The following SKOR2 variants were observed in gnomAD, a reference collection of about 807,000 sequenced individuals.
SKOR2 encodes the protein SKI family transcriptional corepressor 2.
A neutral mutation model predicts 69.1 loss-of-function variants in SKOR2; 47 were observed. That is an observed-to-expected ratio of 0.68 (90% CI 0.54 to 0.87). SKOR2 has a LOEUF of 0.87. Among genes scored for constraint, SKOR2 ranks in the 40% least tolerant of loss-of-function variants. SKOR2 has a pLI of 0.00. For synonymous variants in SKOR2, 717 were observed against 672.6 expected, an observed-to-expected ratio of 1.07 and a Z score of -1.02; for missense variants, 1,404 against 1,472.2, an observed-to-expected ratio of 0.95 and a Z score of 0.76.
chr18:47,230,469 GA>G lies in SKOR2; in HGVS notation c.2906del (p.Phe969SerfsTer11). On this transcript the variant is annotated frameshift_variant, in exon 6 of 9. Coordinates refer to ENST00000425639, the MANE Select transcript of SKOR2 (RefSeq NM_001278063.4). LOFTEE classifies it high-confidence loss of function. ...EFQVLKGNTS[F>X]PVFNNFQDQM... ...AAAGTGATTTCTTACTGAATACTGG[GA>G]AAGATGTGTTTCCTTTTAACACCTG... The G allele has an allele frequency of 1.4e-6, 2 of 1,428,718 alleles. No individual in the cohort carries two copies. The highest frequency in any genetic ancestry group is 1.8e-6 in the Non-Finnish European group (2 of 1,097,382). The allele number at this position is 1,428,718 out of a possible 1,614,324, so 88.5% of individuals were successfully genotyped here.
rs2064302224 is a variant in SKOR2, at chr18:47,249,203, G to T, written c.-20C>A. The T allele has an allele frequency of 6.5e-7, 1 of 1,530,206 alleles. No homozygotes were observed. The highest frequency in any genetic ancestry group is 1.4e-5 in the African/African-American group (1 of 73,090). The allele number at this position is 1,530,206 out of a possible 1,614,324, so 94.8% of individuals were successfully genotyped here. A position where few individuals can be genotyped will look rare whatever the true frequency, so the allele number is the denominator to read the frequency against. ...AGCCATCTCCGCCGCAGAACCCCGG[G>T]CCGAGCCCTACAGGTCTGCCTTGGA... On this transcript the variant is annotated 5_prime_UTR_variant, in exon 2 of 9. Coordinates refer to ENST00000425639, the MANE Select transcript of SKOR2 (RefSeq NM_001278063.4).
At chr18:47,224,620 C>CT (rs528374569) in intron 6 of SKOR2, among the ~76,000 whole-genome samples, 91,963 of 148,432 alleles carry the variant, frequency 0.62, 28,704 homozygotes, top group African/African-American at 0.75. Context: ...AACCATTGAA[C>CT]TTTTTTTTTT....
intron 4 of SKOR2, among the ~76,000 whole-genome samples, chr18:47,236,581 C>A (rs568823316): frequency 6.6e-6 from 1 of 152,206 alleles, no homozygotes; most frequent in East Asian, 1.9e-4. Context: ...GGATTAATGC[C>A]CTTATAAAAG....
In SKOR2 at chr18:47,247,702, C is replaced by A; in HGVS notation, c.1482G>T (p.Ala494=). Residue 494 remains alanine, a synonymous_variant, in exon 2 of 9, where the codon GCG becomes GCT. Coordinates refer to ENST00000425639, the MANE Select transcript of SKOR2 (RefSeq NM_001278063.4). This position sits in a 1 kb window ranked among gnomAD's most constrained non-coding sequence, Gnocchi z 6.6. Reference sequence around the variant, plus strand: ...GGCTTTCGCCTAGCGCGCAGCCTAGCGCCGAGGGCGGCTGAGGCGGGGGCT... The same window carrying A: ...GGCTTTCGCCTAGCGCGCAGCCTAGAGCCGAGGGCGGCTGAGGCGGGGGCT... The part of the protein sequence containing the change: ...YLQPPPQPPS[A]LGCALGESPA... 7.3e-7 allele frequency: 1 copy of A among 1,364,098 alleles called. No homozygotes were observed. The allele number at this position is 1,364,098 out of a possible 1,614,324, so 84.5% of individuals were successfully genotyped here. A position where few individuals can be genotyped will look rare whatever the true frequency, so the allele number is the denominator to read the frequency against.
chr18:47,248,254 G>C lies in SKOR2; in HGVS notation c.930C>G (p.Arg310=). 1 of 1,222,060 alleles carries C rather than the reference G, an allele frequency of 8.2e-7. No homozygotes were observed. Among genetic ancestry groups the C allele is most frequent in the African/African-American group, 1.6e-5 (1 of 63,492 alleles). The allele number at this position is 1,222,060 out of a possible 1,614,324, so 75.7% of individuals were successfully genotyped here. A position where few individuals can be genotyped will look rare whatever the true frequency, so the allele number is the denominator to read the frequency against. The change falls in exon 2 of 9, where the codon CGC becomes CGG. Residue 310 remains arginine, a synonymous_variant. Transcript: ENST00000425639. The surrounding 1 kb of genome is among the most constrained non-coding windows in gnomAD (Gnocchi z 6.4). The part of the protein sequence containing the change: ...GAPHAHHKRP[R]FDDDDDSLQE... ...GCAAGGAGTCGTCGTCGTCGTCGAA[G>C]CGCGGCCGCTTGTGATGGGCGTGCG...
At position 47,248,152 on chromosome 18, in the gene SKOR2, G is replaced by A. The variant is rs1373508268; in HGVS notation, c.1032C>T (p.Gly344=). Residue 344 remains glycine, a synonymous_variant, in exon 2 of 9, where the codon GGC becomes GGT. Coordinates refer to ENST00000425639, the MANE Select transcript of SKOR2 (RefSeq NM_001278063.4). This position sits in a 1 kb window ranked among gnomAD's most constrained non-coding sequence, Gnocchi z 6.4. ...ASLSVAAASG[G]AGTGGGGAGG... Reference sequence around the variant, plus strand: ...CAGCGCCGCCCCCACCAGTCCCCGCGCCGCCCGAAGCAGCAGCCACAGAGA... The same window carrying A: ...CAGCGCCGCCCCCACCAGTCCCCGCACCGCCCGAAGCAGCAGCCACAGAGA... The A allele has an allele frequency of 9.6e-6, 12 of 1,255,682 alleles. No homozygotes were observed. Among genetic ancestry groups the A allele is most frequent in the Non-Finnish European group, 9.9e-6 (10 of 1,006,910 alleles). The allele number at this position is 1,255,682 out of a possible 1,614,324, so 77.8% of individuals were successfully genotyped here. A position where few individuals can be genotyped will look rare whatever the true frequency, so the allele number is the denominator to read the frequency against.
intron 4 of SKOR2, among the ~76,000 whole-genome samples, chr18:47,238,303 T>G (rs1003516163): frequency 6.7e-6 from 1 of 149,336 alleles, no homozygotes; most frequent in Non-Finnish European, 1.5e-5. Flanking sequence ...TAGTAAATAA[T>G]TTTTTTCTTT....
chr18:47,235,170 G>C (rs916114170), intron 4 of SKOR2, among the ~76,000 whole-genome samples: 1 of 152,136 alleles, frequency 6.6e-6, no homozygotes, highest in Admixed American at 6.5e-5. Flanking sequence ...ATACCAGACT[G>C]CGCAACATGG....
intron 7 of SKOR2, among the ~76,000 whole-genome samples, chr18:47,213,880 C>A (rs1027348615): frequency 1.3e-5 from 2 of 152,084 alleles, no homozygotes; most frequent in African/African-American, 2.4e-5. Flanking sequence ...AACACAGACC[C>A]CTTTGAATAT....
rs2144520784 is a variant in SKOR2 at position 47,249,042 on chromosome 18, C to T, written c.142G>A (p.Gly48Ser). The T allele has an allele frequency of 6.5e-7, 1 of 1,538,728 alleles. No individual in the cohort carries two copies. The highest frequency in any genetic ancestry group is 1.2e-5 in the South Asian group (1 of 84,138). The change falls in exon 2 of 9, where the codon GGC becomes AGC. Residue 48 changes from glycine (G) to serine (S), a missense_variant. Physicochemically the swap from Gly to Ser is moderately conservative, Grantham distance 56. Coordinates refer to ENST00000425639, the MANE Select transcript of SKOR2 (RefSeq NM_001278063.4). ...PNQVGQVILY[G>S]IPIVSLVIDG... is the part of the protein sequence containing the mutation. ...ATCACCAACGACACGATGGGAATGC[C>T]GTAGAGGATCACCTGGCCCACCTGG...
At chr18:47,215,058 C>T (rs1436638049) in intron 7 of SKOR2, among the ~76,000 whole-genome samples, 2 of 151,450 alleles carry the variant, frequency 1.3e-5, no homozygotes, top group Non-Finnish European at 2.9e-5. Flanking sequence ...ACATTCAGGT[C>T]AGTCAACATC....
intron 7 of SKOR2, among the ~76,000 whole-genome samples, chr18:47,214,840 C>T (rs1274745874): frequency 2.0e-5 from 3 of 151,994 alleles, no homozygotes; most frequent in Non-Finnish European, 4.4e-5. Flanking sequence ...TTAGTTATTC[C>T]ATGCAAATCT....
chr18:47,234,549 T>C (rs1419754100), intron 4 of SKOR2: 1 of 152,172 alleles, frequency 6.6e-6, no homozygotes, highest in Non-Finnish European at 1.5e-5. Context: ...AAGTGAGCAA[T>C]GGATTCCTCT....
At position 47,248,697 on chromosome 18, in the gene SKOR2, G is replaced by C. The variant is rs943458197; in HGVS notation, c.487C>G (p.Arg163Gly). ...CACTTGGCGCGCGAGCTGTTGTAGC[G>C]CGCGGGAATGAAGCTGCCGCGGCAG... Reference protein sequence around the residue: ...WGCRGSFIPARYNSSRAKCIK... With the variant: ...WGCRGSFIPAGYNSSRAKCIK... Residue 163 changes from arginine (R) to glycine (G), a missense_variant, in exon 2 of 9, where the codon CGC becomes GGC. This residue lies in a region of SKOR2 where 1,266 missense variants were observed against 1,309.9 expected (regional missense o/e 0.97). Coordinates refer to ENST00000425639, the MANE Select transcript of SKOR2 (RefSeq NM_001278063.4). The surrounding 1 kb of genome is among the most constrained non-coding windows in gnomAD (Gnocchi z 6.4). The C allele has an allele frequency of 1.3e-6, 2 of 1,562,914 alleles. No individual in the cohort carries two copies. The highest frequency in any genetic ancestry group is 1.7e-6 in the Non-Finnish European group (2 of 1,160,530).
chr18:47,224,871 C>T (rs752657468), intron 6 of SKOR2, among the ~76,000 whole-genome samples: 1 of 152,080 alleles, frequency 6.6e-6, no homozygotes, highest in Non-Finnish European at 1.5e-5. Context: ...CCTCCTGCCT[C>T]GACTTCCCAA....
intron 8 of SKOR2, among the ~76,000 whole-genome samples, chr18:47,208,025 A>C (rs1246419595): frequency 3.3e-5 from 5 of 152,190 alleles, no homozygotes; most frequent in Non-Finnish European, 2.9e-5. Flanking sequence ...GGCACACAAA[A>C]GTGACAGCCA....
intron 6 of SKOR2, among the ~76,000 whole-genome samples, chr18:47,222,738 G>A (rs2064165731): frequency 6.6e-6 from 1 of 152,342 alleles, no homozygotes; most frequent in Middle Eastern, 3.4e-3. Flanking sequence ...GGAAGGAGGG[G>A]CTGCCTGAAG....
chr18:47,233,052 T>C (rs1480529464), intron 4 of SKOR2, among the ~76,000 whole-genome samples: 1 of 152,190 alleles, frequency 6.6e-6, no homozygotes, highest in African/African-American at 2.4e-5. Flanking sequence ...TGTGTGTTTG[T>C]GCATGTGTGT....
intron 4 of SKOR2, among the ~76,000 whole-genome samples, chr18:47,239,674 C>G (rs925275348): frequency 2.8e-4 from 42 of 152,148 alleles, no homozygotes; most frequent in African/African-American, 1.0e-3. Context: ...CCTTCTCTAT[C>G]TCCTTGAGTT....
Sources: gnomAD v4.1 joint callset for allele counts (sites outside exome capture counted in the v4.1 genomes callset) on GRCh38, gnomAD v4.1.1 for gene constraint, gnomAD v4.1.1 regional missense constraint, Gnocchi (gnomAD v3.1) non-coding constraint, MANE v1.5 for transcripts, NCBI Gene and HGNC (gene_info 2026-07-23, HGNC 2026-07-21) for gene names.